The following CCDC127 variants were observed in gnomAD, a reference collection of about 807,000 sequenced individuals.
CCDC127 encodes coiled-coil domain containing 127, also known as coiled-coil domain-containing protein 127.
CCDC127 carries 2 observed loss-of-function variants against 4.1 expected under a neutral mutation model. That is an observed-to-expected ratio of 0.49 (90% CI 0.20 to 1.53). CCDC127 has a LOEUF of 1.53. CCDC127 is among the 40% of genes most tolerant of loss of function. The pLI is 0.23. For synonymous variants in CCDC127, 98 were observed against 120.4 expected (o/e 0.81, Z 1.22); for missense variants, 271 against 322.9 (o/e 0.84, Z 1.23).
Position 203,349 on chromosome 5 carries a change from C to CATCA in CCDC127, c.*1944_*1947dup, listed in dbSNP as rs1734107440. 6.6e-6 allele frequency: 1 copy of CATCA among 152,024 alleles called. No individual in the cohort carries two copies. The highest frequency in any genetic ancestry group is 3.2e-3 in the Middle Eastern group (1 of 316). The allele number at this position is 152,024 out of a possible 1,614,324, so 9.4% of individuals were successfully genotyped here. A position where few individuals can be genotyped will look rare whatever the true frequency, so the allele number is the denominator to read the frequency against. ...AGAGAAGCATCTGAGCACCCTTAGCCATCACACCACTGCACTCCTGCCTGG... is the reference window on the plus strand; with the variant it reads ...AGAGAAGCATCTGAGCACCCTTAGCCATCAATCACACCACTGCACTCCTGCCTGG... On this transcript the variant is annotated 3_prime_UTR_variant, in exon 3 of 3. Coordinates refer to ENST00000296824, the MANE Select transcript of CCDC127 (RefSeq NM_145265.3).
At chr5:215,465 T>C (rs1394685582) in intron 2 of CCDC127, 1 of 152,152 alleles carries the variant, frequency 6.6e-6, no homozygotes, top group Non-Finnish European at 1.5e-5. Context: ...CAATTAATTA[T>C]TACATTAGTC....
chr5:217,125 G>GGC, intron 1 of CCDC127: 1 of 197,334 alleles, frequency 5.1e-6, no homozygotes, highest in African/African-American at 2.4e-5. Context: ...ACGAGACTCC[G>GGC]TCCCCCCCAA....
chr5:200,524 T>C lies in CCDC127; in HGVS notation c.*4773A>G, dbSNP rs897388323. The C allele has an allele frequency of 6.6e-6, 1 of 152,294 alleles. No homozygotes were observed. The highest frequency in any genetic ancestry group is 1.5e-5 in the Non-Finnish European group (1 of 68,078). 9.4% of individuals were successfully genotyped at this position (152,294 alleles called of 1,614,324 possible). On this transcript the variant is annotated 3_prime_UTR_variant, in exon 3 of 3. Transcript: ENST00000296824. ...GGGGATTGGCGCGGCTATGCAGAGA[T>C]ATGACACAGAGTGACAAGTACTCCG...
chr5:206,651 C>T (rs1361860428), intron 2 of CCDC127, among the ~76,000 whole-genome samples: 1 of 152,212 alleles, frequency 6.6e-6, no homozygotes, highest in Non-Finnish European at 1.5e-5. Context: ...CTTTGTCCAT[C>T]CCACAAGTAA....
rs1040739203 is a variant in CCDC127 at position 200,453 on chromosome 5, C to G, written c.*4844G>C. 6.6e-6 allele frequency: 1 copy of G among 152,406 alleles called. No individual in the cohort carries two copies. Among genetic ancestry groups the G allele is most frequent in the African/African-American group, 2.4e-5 (1 of 41,476 alleles). 9.4% of individuals were successfully genotyped at this position (152,406 alleles called of 1,614,324 possible). A position where few individuals can be genotyped will look rare whatever the true frequency, so the allele number is the denominator to read the frequency against. On this transcript the variant is annotated 3_prime_UTR_variant, in exon 3 of 3. Coordinates refer to ENST00000296824, the MANE Select transcript of CCDC127 (RefSeq NM_145265.3). ...GCCAGGCAGGGGGCAGGCTCAGGAGCTGTGGGAACCGCCCTGTCCCACCGT... is the reference window on the plus strand; with the variant it reads ...GCCAGGCAGGGGGCAGGCTCAGGAGGTGTGGGAACCGCCCTGTCCCACCGT...
intron 2 of CCDC127, among the ~76,000 whole-genome samples, chr5:207,785 G>C (rs58107699): frequency 0.36 from 54,239 of 151,980 alleles, 12,035 homozygotes; most frequent in African/African-American, 0.62. Context: ...GTGTGGAGGG[G>C]TGGAGGTGGG....
In CCDC127 at chr5:205,726, C is replaced by G. The variant is rs759057052; in HGVS notation, c.354G>C (p.Lys118Asn). ...SQGRKLVEEK[K>N]LLEQERAQVM... The stretch of plus-strand genomic sequence containing the variant: ...CCTGGGCCCGTTCCTGTTCCAGAAG[C>G]TTCTTTTCTTCTACCAACTTGCGTC... Residue 118 changes from lysine (K) to asparagine (N), a missense_variant, in exon 3 of 3, where the codon AAG becomes AAC. By Grantham distance (94) the Lys-to-Asn change is moderately conservative. Around this residue, in one of 2 missense-constraint regions of CCDC127, gnomAD observed 265 missense variants for 270.9 expected, o/e 0.98. Coordinates refer to ENST00000296824, the MANE Select transcript of CCDC127 (RefSeq NM_145265.3). 2 of 1,614,140 alleles carry G rather than the reference C, an allele frequency of 1.2e-6. No homozygotes were observed. Among genetic ancestry groups the G allele is most frequent in the Non-Finnish European group, 1.7e-6 (2 of 1,180,020 alleles).
Position 196,878 on chromosome 5 carries a change from C to G in CCDC127, c.*8419G>C, listed in dbSNP as rs1241088467. ...AAGTAAGACACAAAGTATAGAGAAA[C>G]AACAGTGGGCCCAGGGGACCGGCGC... On this transcript the variant is annotated 3_prime_UTR_variant, in exon 3 of 3. Transcript: ENST00000296824. 2.0e-5 allele frequency: 3 copies of G among 149,482 alleles called. No individual in the cohort carries two copies. In the East Asian group the frequency reaches 5.8e-4, roughly 29 times the overall value. 9.3% of individuals were successfully genotyped at this position (149,482 alleles called of 1,614,324 possible).
At chr5:209,746 A>G (rs188891351) in intron 2 of CCDC127, among the ~76,000 whole-genome samples, 1 of 152,382 alleles carries the variant, frequency 6.6e-6, no homozygotes, top group East Asian at 1.9e-4. Flanking sequence ...ATCATTCCAT[A>G]ATACATAAAA....
rs1733981090 is a variant in CCDC127 at position 197,411 on chromosome 5, C to T, written c.*7886G>A. ...TCATTCCACGAGGCCATATTTCAGA[C>T]TATCACATGGGGAGAAACCGTGGAC... On this transcript the variant is annotated 3_prime_UTR_variant, in exon 3 of 3. Transcript: ENST00000296824. 1 of 152,270 alleles carries T rather than the reference C, an allele frequency of 6.6e-6. No individual in the cohort carries two copies. Among genetic ancestry groups the T allele is most frequent in the Non-Finnish European group, 1.5e-5 (1 of 68,088 alleles). 9.4% of individuals were successfully genotyped at this position (152,270 alleles called of 1,614,324 possible).
In CCDC127 at chr5:202,679, G is replaced by A. The variant is rs756455077; in HGVS notation, c.*2618C>T. 6.6e-6 allele frequency: 1 copy of A among 152,284 alleles called. No individual in the cohort carries two copies. Among genetic ancestry groups the A allele is most frequent in the Non-Finnish European group, 1.5e-5 (1 of 68,056 alleles). The allele number at this position is 152,284 out of a possible 1,614,324, so 9.4% of individuals were successfully genotyped here. ...CTCTGAACATATCTATCTCACTATA[G>A]AAGGAAGCTAGGCTGACAGCACACT... On this transcript the variant is annotated 3_prime_UTR_variant, in exon 3 of 3. Coordinates refer to ENST00000296824, the MANE Select transcript of CCDC127 (RefSeq NM_145265.3).
intron 2 of CCDC127, among the ~76,000 whole-genome samples, chr5:207,701 G>A (rs1221583886): frequency 6.6e-6 from 1 of 152,154 alleles, no homozygotes; most frequent in East Asian, 1.9e-4. Flanking sequence ...AGGAGACCCG[G>A]ACAAGGAGCA....
Position 217,016 on chromosome 5 carries a change from A to C in CCDC127, c.-10-157T>G, listed in dbSNP as rs1285883843. The C allele has an allele frequency of 7.9e-5, 43 of 541,900 alleles. No individual in the cohort carries two copies. In the East Asian group the frequency reaches 1.5e-3, roughly 19 times the overall value. The allele number at this position is 541,900 out of a possible 1,614,324, so 33.6% of individuals were successfully genotyped here. A position where few individuals can be genotyped will look rare whatever the true frequency, so the allele number is the denominator to read the frequency against. The stretch of plus-strand genomic sequence containing the variant: ...CATGGTGGCGGGCACCTGTAGTCCC[A>C]GCTACTCGGGAGGCTGAGGCAGGAG... On this transcript the variant is annotated intron_variant, in intron 1 of 2. Transcript: ENST00000296824.
At chr5:207,018 C>G (rs528273568) in intron 2 of CCDC127, among the ~76,000 whole-genome samples, 1 of 152,284 alleles carries the variant, frequency 6.6e-6, no homozygotes, top group East Asian at 1.9e-4. Flanking sequence ...TTTAATGGTT[C>G]TCTTCCTCCT....
rs1734112202 is a variant in CCDC127, at chr5:203,586, C to A, written c.*1711G>T. Reference sequence around the variant, plus strand: ...ATGAATAGTGGCTCTCATACTGCCACGTGGGCTCTATGAGCTTAGGATTTT... The same window carrying A: ...ATGAATAGTGGCTCTCATACTGCCAAGTGGGCTCTATGAGCTTAGGATTTT... On this transcript the variant is annotated 3_prime_UTR_variant, in exon 3 of 3. Coordinates refer to ENST00000296824, the MANE Select transcript of CCDC127 (RefSeq NM_145265.3). 1 of 152,284 alleles carries A rather than the reference C, an allele frequency of 6.6e-6. No individual in the cohort carries two copies. Among genetic ancestry groups the A allele is most frequent in the African/African-American group, 2.4e-5 (1 of 41,470 alleles). 9.4% of individuals were successfully genotyped at this position (152,284 alleles called of 1,614,324 possible).
rs1422501864 is a variant in CCDC127 at position 202,721 on chromosome 5, A to G, written c.*2576T>C. 2 of 152,286 alleles carry G rather than the reference A, an allele frequency of 1.3e-5. No individual in the cohort carries two copies. The highest frequency in any genetic ancestry group is 1.3e-4 in the Admixed American group (2 of 15,286). 9.4% of individuals were successfully genotyped at this position (152,286 alleles called of 1,614,324 possible). A position where few individuals can be genotyped will look rare whatever the true frequency, so the allele number is the denominator to read the frequency against. ...CAGCACACTGGACATTAGAAACAGG[A>G]TGAGGATTAACAATTTGCCTCGAAA... On this transcript the variant is annotated 3_prime_UTR_variant, in exon 3 of 3. Coordinates refer to ENST00000296824, the MANE Select transcript of CCDC127 (RefSeq NM_145265.3).
rs781678720 is a variant in CCDC127, at chr5:205,754, T to C, written c.326A>G (p.Gln109Arg). 3 of 1,614,100 alleles carry C rather than the reference T, an allele frequency of 1.9e-6. No homozygotes were observed. In the Admixed American group the frequency reaches 5.0e-5, roughly 27 times the overall value. Reference protein sequence around the residue: ...TASYREALISQGRKLVEEKKL... With the variant: ...TASYREALISRGRKLVEEKKL... ...CTTTTCTTCTACCAACTTGCGTCCC[T>C]GAGAGATAAGGGCTTCTCGGTAACT... Residue 109 changes from glutamine (Q) to arginine (R), a missense_variant, in exon 3 of 3, where the codon CAG (glutamine) becomes CGG (arginine). By Grantham distance (43) the Gln-to-Arg change is conservative. This residue lies in a region of CCDC127 where 265 missense variants were observed against 270.9 expected (regional missense o/e 0.98). Coordinates refer to ENST00000296824, the MANE Select transcript of CCDC127 (RefSeq NM_145265.3).
chr5:206,331 C>T (rs769949616), intron 2 of CCDC127, among the ~76,000 whole-genome samples: 9 of 147,526 alleles, frequency 6.1e-5, no homozygotes, highest in Non-Finnish European at 1.2e-4. Context: ...TGCCCGGTGG[C>T]GACTAGTAAA....
intron 2 of CCDC127, among the ~76,000 whole-genome samples, chr5:210,035 G>A (rs763980424): frequency 1.3e-5 from 2 of 152,218 alleles, no homozygotes; most frequent in Admixed American, 6.5e-5. Context: ...TCAGGTCAGG[G>A]ACCGTCCAAC....
Sources: gnomAD v4.1 joint callset for allele counts (sites outside exome capture counted in the v4.1 genomes callset) on GRCh38, gnomAD v4.1.1 for gene constraint, gnomAD v4.1.1 regional missense constraint, MANE v1.5 for transcripts, NCBI Gene and HGNC (gene_info 2026-07-23, HGNC 2026-07-21) for gene names.